NYAP2: variants seen among roughly 807,000 people sequenced by gnomAD.
NYAP2 encodes the protein neuronal tyrosine-phosphorylated phosphoinositide-3-kinase adaptor 2.
NYAP2 carries 23 observed loss-of-function variants against 50.4 expected under a neutral mutation model. That is an observed-to-expected ratio of 0.46 (90% CI 0.33 to 0.65). NYAP2 has a LOEUF of 0.65. NYAP2 is among the 30% of genes least tolerant of loss of function. NYAP2 has a pLI of 0.02. For synonymous variants in NYAP2, 394 were observed against 365.2 expected, an observed-to-expected ratio of 1.08 and a Z score of -0.90; for missense variants, 885 against 861.0, an observed-to-expected ratio of 1.03 and a Z score of -0.35.
At chr2:225,643,633 C>A (rs1693573233) in intron 6 of NYAP2, among the ~76,000 whole-genome samples, 1 of 150,638 alleles carries the variant, frequency 6.6e-6, no homozygotes, top group African/African-American at 2.4e-5. Context: ...GTGATGTTCC[C>A]CTTCCTGTGT....
intron 3 of NYAP2, among the ~76,000 whole-genome samples, chr2:225,511,285 T>A (rs576667043): frequency 6.7e-6 from 1 of 149,580 alleles, no homozygotes; most frequent in Non-Finnish European, 1.5e-5. Context: ...ACCACTCTGT[T>A]TGGATAAGCT....
rs558842242 is a variant in NYAP2, at chr2:225,578,419, G to A, written c.524-3522G>A. On this transcript the variant is annotated intron_variant, in intron 4 of 6. Coordinates refer to ENST00000636099, the Ensembl canonical transcript of NYAP2. ...AGGCTAGAGACTAACTTCAGCTTGT[G>A]GGCTGAACAAGCAGAGCAGTGTGAT... Among the ~76,000 whole-genome samples the A allele has an allele frequency of 2.2e-4, 33 of 152,286 alleles. No individual in the cohort carries two copies. In the East Asian group the frequency reaches 6.0e-3, roughly 28 times the overall value.
chr2:225,437,451 T>G (rs990440561), intron 3 of NYAP2, among the ~76,000 whole-genome samples: 1 of 152,232 alleles, frequency 6.6e-6, no homozygotes, highest in Non-Finnish European at 1.5e-5. Context: ...TCATTTCATC[T>G]GGCTCTGATA....
chr2:225,659,966 C>G, the NYAP2 span, among the ~76,000 whole-genome samples: 2 of 152,330 alleles, frequency 1.3e-5, no homozygotes, highest in East Asian at 1.9e-4. Flanking sequence ...GTCCACCCCA[C>G]TATCCCCAAG....
downstream of NYAP2, among the ~76,000 whole-genome samples, chr2:225,657,457 C>A (rs1230455559): frequency 6.6e-6 from 1 of 151,846 alleles, no homozygotes; most frequent in East Asian, 1.9e-4. Context: ...TCTGAATAAC[C>A]TGACCTTAAA....
chr2:225,533,134 T>C (rs1691286973), intron 4 of NYAP2, among the ~76,000 whole-genome samples: 1 of 152,218 alleles, frequency 6.6e-6, no homozygotes, highest in Admixed American at 6.5e-5. Context: ...AGGAAGTGTC[T>C]TTAACTGTTG....
At position 225,581,937 on chromosome 2, in the gene NYAP2, T is replaced by C. The variant is rs911150805; in HGVS notation, c.524-4T>C. Reference sequence around the variant, plus strand: ...CTATTCCACTACGTTTTTTCTTCTTTTAGCGTCAGCTAAACCAAGACCCCA... The same window carrying C: ...CTATTCCACTACGTTTTTTCTTCTTCTAGCGTCAGCTAAACCAAGACCCCA... On this transcript the variant is annotated splice_region_variant and splice_polypyrimidine_tract_variant and intron_variant, in intron 4 of 6. Transcript: ENST00000636099. 1 of 1,587,986 alleles carries C rather than the reference T, an allele frequency of 6.3e-7. No homozygotes were observed. The highest frequency in any genetic ancestry group is 1.4e-5 in the African/African-American group (1 of 73,704).
chr2:225,481,010 C>T (rs574349691), intron 3 of NYAP2, among the ~76,000 whole-genome samples: 1 of 152,160 alleles, frequency 6.6e-6, no homozygotes, highest in East Asian at 1.9e-4. Context: ...TTTATATTTT[C>T]CTTCCCGTTT....
chr2:225,551,297 A>G (rs752548018), intron 4 of NYAP2, among the ~76,000 whole-genome samples: 10 of 152,226 alleles, frequency 6.6e-5, no homozygotes, highest in Non-Finnish European at 1.0e-4. Context: ...GGCATGATAA[A>G]TACTTGCATA....
rs116554304 is a variant in NYAP2 at position 225,437,787 on chromosome 2, G to A, written c.221+28686G>A. Among the ~76,000 whole-genome samples the A allele has an allele frequency of 6.9e-3, 1,057 of 152,292 alleles. 11 individuals are homozygous for A. The highest frequency in any genetic ancestry group is 0.024 in the African/African-American group (1,000 of 41,550). ...TAAGTAAGGTGACCAACATGAAACA[G>A]CAGGTAAGTTTCAGAAATCATGTCA... On this transcript the variant is annotated intron_variant, in intron 3 of 6. Coordinates refer to ENST00000636099, the Ensembl canonical transcript of NYAP2.
At chr2:225,518,638 A>T (rs543602126) in intron 4 of NYAP2, among the ~76,000 whole-genome samples, 65 of 144,372 alleles carry the variant, frequency 4.5e-4, no homozygotes, top group Middle Eastern at 7.2e-3. Context: ...ATATATAAAT[A>T]AATTAGCTCA....
At chr2:225,422,584 C>T (rs1319804203) in intron 3 of NYAP2, among the ~76,000 whole-genome samples, 4 of 151,866 alleles carry the variant, frequency 2.6e-5, no homozygotes, top group Non-Finnish European at 4.4e-5. Flanking sequence ...CGCTGTGAAC[C>T]GATCTATTAT....
intron 3 of NYAP2, among the ~76,000 whole-genome samples, chr2:225,451,053 C>T (rs774955828): frequency 8.6e-5 from 13 of 152,014 alleles, no homozygotes; most frequent in South Asian, 8.3e-4. Context: ...AATAGTAAAA[C>T]GCATAAATTA....
chr2:225,446,922 A>T (rs986825215), intron 3 of NYAP2, among the ~76,000 whole-genome samples: 1 of 152,112 alleles, frequency 6.6e-6, no homozygotes, highest in Non-Finnish European at 1.5e-5. Flanking sequence ...CCACAGGACA[A>T]TTCAACCAGA....
At chr2:225,432,274 G>A (rs1559178002) in intron 3 of NYAP2, among the ~76,000 whole-genome samples, 1 of 151,072 alleles carries the variant, frequency 6.6e-6, no homozygotes, top group Non-Finnish European at 1.5e-5. Flanking sequence ...GGGATTACAG[G>A]CGTGAGCCAC....
chr2:225,410,460 T>A (rs1250533301), intron 3 of NYAP2, among the ~76,000 whole-genome samples: 1 of 151,970 alleles, frequency 6.6e-6, no homozygotes, highest in African/African-American at 2.4e-5. Flanking sequence ...TTGATGGACA[T>A]TTTTTTGTGT....
chr2:225,423,399 A>G (rs1319114476), intron 3 of NYAP2, among the ~76,000 whole-genome samples: 2 of 152,192 alleles, frequency 1.3e-5, no homozygotes, highest in Admixed American at 1.3e-4. Flanking sequence ...TCTTTAATTT[A>G]ACACAATTGG....
At chr2:225,457,606 A>G (rs951726446) in intron 3 of NYAP2, among the ~76,000 whole-genome samples, 2 of 152,224 alleles carry the variant, frequency 1.3e-5, no homozygotes, top group Non-Finnish European at 2.9e-5. Context: ...AGGGAACACG[A>G]TGGACTCTTG....
chr2:225,611,901 TACACACACACACAC>T (rs147331159), intron 5 of NYAP2, among the ~76,000 whole-genome samples: 64,999 of 145,400 alleles, frequency 0.45, 15,147 homozygotes, highest in South Asian at 0.65. Flanking sequence ...TGTGTGTGTA[TACACACACACACAC>T]ACACACACAC....
Sources: gnomAD v4.1 joint callset for allele counts (sites outside exome capture counted in the v4.1 genomes callset) on GRCh38, gnomAD v4.1.1 for gene constraint, MANE v1.5 for transcripts, NCBI Gene and HGNC (gene_info 2026-07-23, HGNC 2026-07-21) for gene names.